WIPF2: variants seen among roughly 807,000 people sequenced by gnomAD.
WIPF2 encodes the protein WAS/WASL interacting protein family member 2.
Under a neutral mutation model 38.8 loss-of-function variants are expected in WIPF2, and 23 were observed. The ratio of observed to expected loss-of-function variants is 0.59; its 90% CI spans 0.43 to 0.84. The LOEUF is 0.84. WIPF2 is among the 40% of genes least tolerant of loss of function. WIPF2 has a pLI of 0.00. For synonymous variants in WIPF2, 210 were observed against 223.2 expected, an observed-to-expected ratio of 0.94 and a Z score of 0.53; for missense variants, 574 against 580.5, an observed-to-expected ratio of 0.99 and a Z score of 0.11.
intron 1 of WIPF2, among the ~76,000 whole-genome samples, chr17:40,242,813 A>G (rs974839012): frequency 6.6e-6 from 1 of 152,158 alleles, no homozygotes; most frequent in African/African-American, 2.4e-5. Context: ...TTGAACTATT[A>G]CTGATTTACT....
chr17:40,226,297 G>A (rs963793785), intron 1 of WIPF2, among the ~76,000 whole-genome samples: 12 of 150,798 alleles, frequency 8.0e-5, no homozygotes, highest in East Asian at 2.0e-4. Flanking sequence ...TCCACCTCCC[G>A]GGTTCATGCG....
At chr17:40,222,669 T>G (rs1455012542) in intron 1 of WIPF2, among the ~76,000 whole-genome samples, 32 of 96,620 alleles carry the variant, frequency 3.3e-4, no homozygotes, top group African/African-American at 1.4e-3. Context: ...TTTTTTTTTT[T>G]TTTTTTTTTT....
intron 1 of WIPF2, among the ~76,000 whole-genome samples, chr17:40,222,620 A>G (rs1337002376): frequency 7.4e-6 from 1 of 135,748 alleles, no homozygotes; most frequent in East Asian, 2.1e-4. Flanking sequence ...CGTGCCAGCC[A>G]GGGAAGAACT....
rs754551040 is a variant in WIPF2 at position 40,273,745 on chromosome 17, G to T, written c.971-45G>T. The T allele has an allele frequency of 2.4e-6, 3 of 1,229,518 alleles. No individual in the cohort carries two copies. In the African/African-American group the frequency reaches 4.4e-5, roughly 18 times the overall value. 76.2% of individuals were successfully genotyped at this position (1,229,518 alleles called of 1,614,324 possible). ...TGTGTTTCAAGTCATTCTACCCCTT[G>T]CCGTCTCCACATCCAAACCTAACTA... On this transcript the variant is annotated intron_variant, in intron 5 of 7. Transcript: ENST00000323571.
intron 3 of WIPF2, 128 bp downstream of exon 3, chr17:40,260,795 T>C: frequency 8.3e-7 from 1 of 1,210,096 alleles, no homozygotes; most frequent in Non-Finnish European, 1.2e-6. Context: ...TTTGGCTCTC[T>C]TCTTATTCAT....
intron 1 of WIPF2, among the ~76,000 whole-genome samples, chr17:40,245,691 T>G (rs2031340377): frequency 6.6e-6 from 1 of 152,098 alleles, no homozygotes; most frequent in South Asian, 2.1e-4. Flanking sequence ...CGTTGGAGGA[T>G]GTTGAGCAGC....
chr17:40,275,259 A>C (rs1393680676), intron 6 of WIPF2, among the ~76,000 whole-genome samples: 2 of 150,846 alleles, frequency 1.3e-5, no homozygotes, highest in Admixed American at 6.6e-5. Context: ...AAAAAAAAAA[A>C]AACAAAACCC....
In WIPF2 at chr17:40,219,398, C is replaced by A; in HGVS notation, c.-164C>A. 1 of 411,978 alleles carries A rather than the reference C, an allele frequency of 2.4e-6. No individual in the cohort carries two copies. The highest frequency in any genetic ancestry group is 4.6e-6 in the Non-Finnish European group (1 of 217,472). The allele number at this position is 411,978 out of a possible 1,614,324, so 25.5% of individuals were successfully genotyped here. ...GCGGCGGCGGCGGCGGCGGCGGCGG[C>A]GACGGCGAGAAAGAGCTTGCCGGGG... On this transcript the variant is annotated 5_prime_UTR_variant, in exon 1 of 8. Coordinates refer to ENST00000323571, the MANE Select transcript of WIPF2 (RefSeq NM_133264.5).
chr17:40,248,455 C>T (rs962771689), intron 1 of WIPF2, among the ~76,000 whole-genome samples: 1 of 152,050 alleles, frequency 6.6e-6, no homozygotes, highest in African/African-American at 2.4e-5. Context: ...AGGCGTCAGC[C>T]ACTGTGCCTG....
intron 1 of WIPF2, among the ~76,000 whole-genome samples, chr17:40,234,109 C>G (rs2030858937): frequency 1.3e-5 from 2 of 152,098 alleles, no homozygotes. Context: ...TGGCTCACGC[C>G]TGTAATCCCA....
intron 5 of WIPF2, among the ~76,000 whole-genome samples, chr17:40,268,427 C>T (rs1396125469): frequency 1.3e-5 from 2 of 152,082 alleles, no homozygotes; most frequent in African/African-American, 4.8e-5. Context: ...GAGCAAAGCT[C>T]ATATCTTTCT....
chr17:40,223,036 C>T (rs546336426), intron 1 of WIPF2, among the ~76,000 whole-genome samples: 62 of 151,438 alleles, frequency 4.1e-4, no homozygotes, highest in Admixed American at 1.3e-3. Flanking sequence ...TATTGTGTTA[C>T]ATTGGTTGCC....
intron 1 of WIPF2, among the ~76,000 whole-genome samples, chr17:40,223,498 A>G (rs1471653902): frequency 6.6e-6 from 1 of 151,454 alleles, no homozygotes; most frequent in East Asian, 1.9e-4. Flanking sequence ...GCTTTTACGA[A>G]GGGAAGAGAT....
chr17:40,230,851 A>G (rs2030711102), intron 1 of WIPF2, among the ~76,000 whole-genome samples: 1 of 152,194 alleles, frequency 6.6e-6, no homozygotes, highest in South Asian at 2.1e-4. Context: ...CGATGAATAT[A>G]CTGTCATACC....
At position 40,250,528 on chromosome 17, in the gene WIPF2, C is replaced by T. The variant is rs529622914; in HGVS notation, c.-69-5863C>T. Among the ~76,000 whole-genome samples the T allele has an allele frequency of 1.3e-4, 20 of 151,478 alleles. No homozygotes were observed. The East Asian group carries it at 2.7e-3, about 21-fold the overall frequency. On this transcript the variant is annotated intron_variant, in intron 1 of 7. Coordinates refer to ENST00000323571, the MANE Select transcript of WIPF2 (RefSeq NM_133264.5). ...CCTCCCAAAGTGCTGGGATTCCAGG[C>T]GTGAGCCACCACACCCGGCCTTTAT...
intron 1 of WIPF2, among the ~76,000 whole-genome samples, chr17:40,241,766 GT>G (rs2031197462): frequency 6.6e-6 from 1 of 152,096 alleles, no homozygotes; most frequent in Non-Finnish European, 1.5e-5. Flanking sequence ...TTTGAAGTTT[GT>G]TTTTAACTTT....
intron 1 of WIPF2, among the ~76,000 whole-genome samples, chr17:40,236,849 C>T (rs1039138679): frequency 1.1e-4 from 16 of 151,916 alleles, no homozygotes; most frequent in African/African-American, 3.9e-4. Flanking sequence ...TCTCATGATC[C>T]ACCCGCCTCG....
chr17:40,227,467 G>T (rs1316223112), intron 1 of WIPF2, among the ~76,000 whole-genome samples: 2 of 152,264 alleles, frequency 1.3e-5, no homozygotes, highest in South Asian at 2.1e-4. Context: ...GAAAAAGAAA[G>T]TATATAGTGA....
At chr17:40,222,813 G>A (rs1177438995) in intron 1 of WIPF2, among the ~76,000 whole-genome samples, 1 of 149,124 alleles carries the variant, frequency 6.7e-6, no homozygotes, top group Non-Finnish European at 1.5e-5. Flanking sequence ...TGGTACTATA[G>A]GCATGCACCA....
Sources: gnomAD v4.1 joint callset for allele counts (sites outside exome capture counted in the v4.1 genomes callset) on GRCh38, gnomAD v4.1.1 for gene constraint, MANE v1.5 for transcripts, NCBI Gene and HGNC (gene_info 2026-07-23, HGNC 2026-07-21) for gene names.